The following STRBP variants were observed in gnomAD, a reference collection of about 807,000 sequenced individuals.
The protein encoded by STRBP is spermatid perinuclear RNA binding protein.
Under a neutral mutation model 80.1 loss-of-function variants are expected in STRBP, and 13 were observed. The ratio of observed to expected loss-of-function variants is 0.16; its 90% CI spans 0.11 to 0.26. The LOEUF (loss-of-function observed/expected upper bound fraction) is 0.26, where lower values mean the gene tolerates loss of function less well. Ranked by LOEUF, STRBP falls within the 10% of genes least tolerant of loss-of-function variation. STRBP has a pLI of 1.00. For synonymous variants in STRBP, 284 were observed against 291.2 expected (o/e 0.98, Z 0.25); for missense variants, 485 against 815.2 (o/e 0.59, Z 4.93).
intron 2 of STRBP, among the ~76,000 whole-genome samples, chr9:123,228,219 A>C (rs1283496810): frequency 6.6e-6 from 1 of 152,184 alleles, no homozygotes; most frequent in East Asian, 1.9e-4. Flanking sequence ...TGGGTTTTAG[A>C]CATGTTCCAT....
intron 2 of STRBP, among the ~76,000 whole-genome samples, chr9:123,204,087 G>T (rs967828312): frequency 6.6e-6 from 1 of 152,162 alleles, no homozygotes; most frequent in Non-Finnish European, 1.5e-5. Context: ...TTGGCAGATG[G>T]TGTCTTTGTT....
intron 2 of STRBP, among the ~76,000 whole-genome samples, chr9:123,189,849 AAAAT>A (rs749289141): frequency 8.5e-5 from 13 of 152,312 alleles, no homozygotes; most frequent in Admixed American, 3.3e-4. Flanking sequence ...AAGTATAATA[AAAAT>A]AAATAAAAAT....
chr9:123,250,878 G>A (rs762609080), intron 1 of STRBP, among the ~76,000 whole-genome samples: 1 of 152,176 alleles, frequency 6.6e-6, no homozygotes, highest in African/African-American at 2.4e-5. Flanking sequence ...AACACTTAGG[G>A]AGGCTGAAGC....
intron 1 of STRBP, among the ~76,000 whole-genome samples, chr9:123,265,734 C>T (rs530392301): frequency 6.6e-6 from 1 of 152,168 alleles, no homozygotes; most frequent in Non-Finnish European, 1.5e-5. Context: ...TATGTCCGCC[C>T]AACCCATAAG....
At chr9:123,111,515 C>T (rs928584137) in intron 3 of STRBP, 4 of 394,024 alleles carry the variant, frequency 1.0e-5, no homozygotes, top group African/African-American at 2.2e-5. Flanking sequence ...GAAAACGGGA[C>T]AGATGGCAAA....
At position 123,125,691 on chromosome 9, in the gene STRBP, GGA is replaced by G. The variant is rs1331916354; in HGVS notation, c.1943-20_1943-19del. The G allele has an allele frequency of 6.3e-6, 10 of 1,584,332 alleles. No homozygotes were observed. Among genetic ancestry groups the G allele is most frequent in the Admixed American group, 1.8e-5 (1 of 55,442 alleles). The stretch of plus-strand genomic sequence containing the variant: ...GGGTAAACCTACAGAGAAAAGAAAC[GGA>G]GAGGACTCCAAATAAGTTTTAATAC... On this transcript the variant is annotated intron_variant, in intron 18 of 18. Coordinates refer to ENST00000348403, the MANE Select transcript of STRBP (RefSeq NM_018387.5).
intron 3 of STRBP, chr9:123,112,414 G>A (rs185431519): frequency 2.4e-5 from 4 of 167,250 alleles, no homozygotes; most frequent in Non-Finnish European, 2.9e-5. Context: ...CCGCCCCTTC[G>A]CAGCGGACAC....
chr9:123,253,106 A>T (rs1279868823), intron 1 of STRBP, among the ~76,000 whole-genome samples: 1 of 152,244 alleles, frequency 6.6e-6, no homozygotes, highest in African/African-American at 2.4e-5. Flanking sequence ...ATGGGAAATC[A>T]ATCAAGTTCC....
chr9:123,159,313 T>G (rs942059661), intron 8 of STRBP, 106 bp from the exon 9 acceptor site: 5 of 702,446 alleles, frequency 7.1e-6, no homozygotes, highest in Non-Finnish European at 1.1e-5. Context: ...AAGAGTGAAA[T>G]TCAATTTAAC....
downstream of STRBP, among the ~76,000 whole-genome samples, chr9:123,121,046 C>T (rs1321636533): frequency 6.6e-6 from 1 of 152,192 alleles, no homozygotes; most frequent in Non-Finnish European, 1.5e-5. Flanking sequence ...GTCACAGCCT[C>T]TGTTCACTTG....
At chr9:123,128,149 G>C in intron 18 of STRBP, 65 bp downstream of exon 18, 1 of 1,581,592 alleles carries the variant, frequency 6.3e-7, no homozygotes, top group Non-Finnish European at 8.7e-7. Context: ...ACCCTAGATA[G>C]AAACTGTGCT....
intron 1 of STRBP, among the ~76,000 whole-genome samples, chr9:123,239,858 T>C (rs530808896): frequency 5.5e-4 from 84 of 152,340 alleles, no homozygotes; most frequent in Non-Finnish European, 4.3e-4. Context: ...ATTACTATTA[T>C]TGTTGAAGCT....
At position 123,122,966 on chromosome 9, in the gene STRBP, A is replaced by G. The variant is rs932350621; in HGVS notation, c.*2631T>C. The G allele has an allele frequency of 2.0e-6, 2 of 985,372 alleles. No homozygotes were observed. Among genetic ancestry groups the G allele is most frequent in the African/African-American group, 3.5e-5 (2 of 57,256 alleles). 61.0% of individuals were successfully genotyped at this position (985,372 alleles called of 1,614,324 possible). A position where few individuals can be genotyped will look rare whatever the true frequency, so the allele number is the denominator to read the frequency against. Reference sequence around the variant, plus strand: ...TAAAACAGACACCGTGGCTTTGAACAAAGTATTGCTCTTCTTTAAAATGAT... The same window carrying G: ...TAAAACAGACACCGTGGCTTTGAACGAAGTATTGCTCTTCTTTAAAATGAT... On this transcript the variant is annotated 3_prime_UTR_variant, in exon 19 of 19. Coordinates refer to ENST00000348403, the MANE Select transcript of STRBP (RefSeq NM_018387.5).
At chr9:123,214,750 A>G (rs1014011284) in intron 2 of STRBP, among the ~76,000 whole-genome samples, 8 of 152,158 alleles carry the variant, frequency 5.3e-5, no homozygotes, top group Non-Finnish European at 1.0e-4. Flanking sequence ...GTACCTACCT[A>G]TACTATATTC....
intron 2 of STRBP, among the ~76,000 whole-genome samples, chr9:123,227,551 CTCTT>C (rs2040274797): frequency 6.9e-6 from 1 of 144,450 alleles, no homozygotes; most frequent in South Asian, 2.2e-4. Flanking sequence ...TTATTGTTTT[CTCTT>C]TTTTTTTTTT....
chr9:123,194,228 ACTT>A (rs1485856008), intron 2 of STRBP, among the ~76,000 whole-genome samples: 32 of 152,284 alleles, frequency 2.1e-4, no homozygotes, highest in African/African-American at 7.2e-4. Flanking sequence ...CCTGCTTCCT[ACTT>A]CATGCAAATT....
intron 1 of STRBP, among the ~76,000 whole-genome samples, chr9:123,258,033 C>T (rs1364320925): frequency 4.6e-5 from 7 of 151,808 alleles, no homozygotes; most frequent in African/African-American, 1.7e-4. Context: ...AGCAAAAAGA[C>T]GACTTCAAGG....
chr9:123,161,368 A>T (rs1330404708), intron 6 of STRBP, among the ~76,000 whole-genome samples: 1 of 152,250 alleles, frequency 6.6e-6, no homozygotes, highest in African/African-American at 2.4e-5. Context: ...TTAAGCATCT[A>T]TAACATTACA....
At chr9:123,182,031 A>G in intron 3 of STRBP, among the ~76,000 whole-genome samples, 1 of 151,378 alleles carries the variant, frequency 6.6e-6, no homozygotes, top group Non-Finnish European at 1.5e-5. Context: ...CCTGGCCAAC[A>G]TGGTGAAACC....
Sources: gnomAD v4.1 joint callset for allele counts (sites outside exome capture counted in the v4.1 genomes callset) on GRCh38, gnomAD v4.1.1 for gene constraint, MANE v1.5 for transcripts, NCBI Gene and HGNC (gene_info 2026-07-23, HGNC 2026-07-21) for gene names.